The following MIER2 variants were observed in gnomAD, a reference collection of about 807,000 sequenced individuals.
MIER2 encodes the protein mesoderm induction early response protein 2.
A neutral mutation model predicts 67.6 loss-of-function variants in MIER2; 30 were observed. The observed-to-expected ratio is 0.44, with a 90% CI of 0.33 to 0.60. MIER2 has a LOEUF of 0.60. Ranked by LOEUF, MIER2 falls within the 20% of genes least tolerant of loss-of-function variation. The pLI, the probability that MIER2 is intolerant of heterozygous loss-of-function variation, is 0.02. For missense variants in MIER2, 702 were observed against 745.1 expected, an observed-to-expected ratio of 0.94 and a Z score of 0.67; for synonymous variants, 372 against 312.6, an observed-to-expected ratio of 1.19 and a Z score of -2.00.
intron 7 of MIER2, among the ~76,000 whole-genome samples, chr19:325,249 G>A (rs908664625): frequency 8.5e-5 from 13 of 152,250 alleles, no homozygotes; most frequent in South Asian, 6.2e-4. Flanking sequence ...GAGCAAGGCC[G>A]GGGGTGCAGC....
At chr19:323,214 CACGCAG>C (rs1971571858) in intron 7 of MIER2, among the ~76,000 whole-genome samples, 2 of 132,680 alleles carry the variant, frequency 1.5e-5, no homozygotes, top group African/African-American at 5.6e-5. Flanking sequence ...CACACACAAC[CACGCAG>C]ACAACTCGAA....
intron 2 of MIER2, among the ~76,000 whole-genome samples, chr19:335,195 G>A (rs1341366190): frequency 6.7e-6 from 1 of 149,394 alleles, no homozygotes; most frequent in Non-Finnish European, 1.5e-5. Flanking sequence ...GAAATAGCTA[G>A]GGCTCAATCA....
At chr19:328,649 G>A (rs1971876865) in intron 3 of MIER2, among the ~76,000 whole-genome samples, 1 of 152,118 alleles carries the variant, frequency 6.6e-6, no homozygotes, top group South Asian at 2.1e-4. Context: ...TCAAGAGGCT[G>A]AAGCACGAGA....
chr19:327,947 A>G lies in MIER2; in HGVS notation c.286T>C (p.Tyr96His). ...PFDELLALYG[Y>H]EASDPISDRE... ...TCTGAAATGGGGTCTGACGCCTCGT[A>G]GCCATAGAGCGCAAGCAGCTCATCA... Residue 96 changes from tyrosine (Y) to histidine (H), a missense_variant, in exon 4 of 14, where the codon TAC becomes CAC. By Grantham distance (83) the Tyr-to-His change is moderately conservative. This residue lies in a region of MIER2 where 320 missense variants were observed against 292.6 expected (regional missense o/e 1.09). Coordinates refer to ENST00000264819, the MANE Select transcript of MIER2 (RefSeq NM_017550.3). 1 of 1,612,910 alleles carries G rather than the reference A, an allele frequency of 6.2e-7. No homozygotes were observed. The highest frequency in any genetic ancestry group is 8.5e-7 in the Non-Finnish European group (1 of 1,179,420).
chr19:312,168 G>A (rs755339072), intron 9 of MIER2, 23 bp downstream of exon 9: 1 of 1,557,976 alleles, frequency 6.4e-7, no homozygotes. Context: ...CGCAGCGGAA[G>A]GAAGGCCCAG....
At chr19:337,868 C>CAAAAA (rs1418469284) in intron 1 of MIER2, among the ~76,000 whole-genome samples, 3 of 16,712 alleles carry the variant, frequency 1.8e-4, no homozygotes, top group African/African-American at 3.7e-4. Flanking sequence ...GACTCCATCT[C>CAAAAA]ACAAAAAAAA....
chr19:310,685 A>AGCTGTAGAAACACGGCCCG (rs1970950541), intron 10 of MIER2, among the ~76,000 whole-genome samples: 9 of 55,548 alleles, frequency 1.6e-4, no homozygotes, highest in African/African-American at 6.2e-4. Flanking sequence ...AACACAGCCC[A>AGCTGTAGAAACACGGCCCG]GAGCTATAGA....
intron 3 of MIER2, among the ~76,000 whole-genome samples, chr19:330,085 G>T (rs1227492146): frequency 6.6e-6 from 1 of 152,084 alleles, no homozygotes; most frequent in Non-Finnish European, 1.5e-5. Flanking sequence ...AAGAATGCTG[G>T]CCAACTATAG....
In MIER2 at chr19:312,257, C is replaced by A; in HGVS notation, c.823G>T (p.Val275Leu). Residue 275 changes from valine (V) to leucine (L), a missense_variant, in exon 9 of 14, where the codon GTG becomes TTG. Val to Leu is a conservative substitution (Grantham distance 32). Coordinates refer to ENST00000264819, the MANE Select transcript of MIER2 (RefSeq NM_017550.3). ...TCCTCCACATTGAAGTTGCATTTCA[C>A]CAACTCGTACAGCGCCTGGGGAGAG... is the stretch of plus-strand genomic sequence containing the variant. ...KDSEQALYEL[V>L]KCNFNVEEAL... The A allele has an allele frequency of 1.9e-6, 3 of 1,613,922 alleles. No individual in the cohort carries two copies. Among genetic ancestry groups the A allele is most frequent in the Non-Finnish European group, 2.5e-6 (3 of 1,179,878 alleles).
At chr19:339,372 C>G (rs2084112) in intron 1 of MIER2, among the ~76,000 whole-genome samples, 118,984 of 152,074 alleles carry the variant, frequency 0.78, 46,892 homozygotes, top group African/African-American at 0.88. Flanking sequence ...TAATATCAGG[C>G]AAAAGCAAGC....
At chr19:326,075 A>G (rs1416712622) in intron 6 of MIER2, among the ~76,000 whole-genome samples, 2 of 152,220 alleles carry the variant, frequency 1.3e-5, no homozygotes, top group South Asian at 2.1e-4. Flanking sequence ...ACCCAGGGAG[A>G]GGGCTCAGCA....
Position 313,652 on chromosome 19 carries a change from G to A in MIER2, c.656-9C>T. 1 of 1,608,394 alleles carries A rather than the reference G, an allele frequency of 6.2e-7. No homozygotes were observed. The highest frequency in any genetic ancestry group is 8.5e-7 in the Non-Finnish European group (1 of 1,179,520). On this transcript the variant is annotated splice_polypyrimidine_tract_variant and intron_variant, in intron 7 of 13. Transcript: ENST00000264819. ...GTCTTCGTTCTCGTAGACTGCACAA[G>A]CAGAGGGCAAAGGTCAGCTTGCAGG... is the stretch of plus-strand genomic sequence containing the variant.
chr19:341,336 T>TCC, intron 1 of MIER2, among the ~76,000 whole-genome samples: 1 of 152,198 alleles, frequency 6.6e-6, no homozygotes, highest in East Asian at 1.9e-4. Flanking sequence ...GGAGTTAACA[T>TCC]ATGGCCCCAG....
At chr19:326,818 G>C (rs55970301) in intron 5 of MIER2, 67,725 of 584,798 alleles carry the variant, frequency 0.12, 4,968 homozygotes, top group South Asian at 0.22. Context: ...TCTGGGCCCC[G>C]AGCCCTCAGT....
At chr19:307,085 G>A (rs1468930808) in intron 13 of MIER2, 34 bp downstream of exon 13, 1 of 1,546,548 alleles carries the variant, frequency 6.5e-7, no homozygotes. Flanking sequence ...TGGTTGGAGT[G>A]TTGCGGAGGC....
At chr19:343,280 GCTAC>G (rs1972584427) in intron 1 of MIER2, among the ~76,000 whole-genome samples, 1 of 152,196 alleles carries the variant, frequency 6.6e-6, no homozygotes, top group South Asian at 2.1e-4. Context: ...CAGACACAGA[GCTAC>G]CTGTCAGGCC....
chr19:341,471 G>C (rs1972498841), intron 1 of MIER2, among the ~76,000 whole-genome samples: 1 of 152,154 alleles, frequency 6.6e-6, no homozygotes, highest in South Asian at 2.1e-4. Context: ...GCCGCTAACA[G>C]GGAGGCCCTG....
intron 7 of MIER2, among the ~76,000 whole-genome samples, chr19:317,498 A>G (rs60551457): frequency 0.12 from 18,817 of 151,266 alleles, 1,614 homozygotes; most frequent in African/African-American, 0.23. Context: ...CTGCACTCCA[A>G]CCTGGGTGAC....
At chr19:340,695 A>G (rs1398644915) in intron 1 of MIER2, 2 of 152,290 alleles carry the variant, frequency 1.3e-5, no homozygotes, top group African/African-American at 4.8e-5. Context: ...CCAACTGTAC[A>G]GCAACGTACA....
Sources: allele counts gnomAD v4.1 joint callset (sites outside exome capture counted in the v4.1 genomes callset), GRCh38; gene constraint gnomAD v4.1.1; regional missense constraint gnomAD v4.1.1; transcripts MANE v1.5; gene names NCBI Gene and HGNC (gene_info 2026-07-23, HGNC 2026-07-21).